The following DSCAM variants were observed in gnomAD, a reference collection of about 807,000 sequenced individuals.
DSCAM encodes the protein cell adhesion molecule DSCAM.
A neutral mutation model predicts 217.7 loss-of-function variants in DSCAM; 47 were observed. The observed-to-expected ratio is 0.22, with a 90% CI of 0.17 to 0.28. The LOEUF (loss-of-function observed/expected upper bound fraction) is 0.28. DSCAM is among the 10% of genes least tolerant of loss of function. The pLI, the probability that DSCAM is intolerant of heterozygous loss-of-function variation, is 1.00. For missense variants in DSCAM, 2,080 were observed against 2,618.3 expected, an observed-to-expected ratio of 0.79 and a Z score of 4.49; for synonymous variants, 1,056 against 1,015.3, an observed-to-expected ratio of 1.04 and a Z score of -0.76.
intron 3 of DSCAM, among the ~76,000 whole-genome samples, chr21:40,626,607 G>T (rs1328786613): frequency 6.6e-6 from 1 of 152,152 alleles, no homozygotes; most frequent in Admixed American, 6.5e-5. Flanking sequence ...AGTTTCACTT[G>T]GCTCCAGCCA....
In DSCAM at chr21:40,055,739, G is replaced by T. The variant is rs759685690; in HGVS notation, c.5021C>A (p.Thr1674Lys). Residue 1674 changes from threonine to lysine, a missense_variant, in exon 29 of 33, where the codon ACG (threonine) becomes AAG (lysine). Thr to Lys is a moderately conservative substitution (Grantham distance 78). Around this residue, in one of 5 missense-constraint regions of DSCAM, gnomAD observed 1,144 missense variants for 1,421.1 expected, o/e 0.81. Coordinates refer to ENST00000400454, the MANE Select transcript of DSCAM (RefSeq NM_001389.5). Reference sequence around the variant, plus strand: ...GGGCAGCTTACCAATGGTCTCCATCGTGTCTCTCTCTTCAATCAAAAGCTG... The same window carrying T: ...GGGCAGCTTACCAATGGTCTCCATCTTGTCTCTCTCTTCAATCAAAAGCTG... ...RAQLLIEERDTMETIDDRSTV... is the reference protein window; with the variant it reads ...RAQLLIEERDKMETIDDRSTV... 2 of 1,612,680 alleles carry T rather than the reference G, an allele frequency of 1.2e-6. No individual in the cohort carries two copies. The highest frequency in any genetic ancestry group is 1.7e-6 in the Non-Finnish European group (2 of 1,178,856).
At chr21:40,365,561 A>T (rs1156353330) in intron 4 of DSCAM, among the ~76,000 whole-genome samples, 1 of 152,130 alleles carries the variant, frequency 6.6e-6, no homozygotes, top group East Asian at 1.9e-4. Context: ...TTATATATAC[A>T]TCTATCCTAT....
intron 30 of DSCAM, among the ~76,000 whole-genome samples, chr21:40,050,490 T>C (rs2146494429): frequency 6.6e-6 from 1 of 151,510 alleles, no homozygotes; most frequent in East Asian, 1.9e-4. Flanking sequence ...CTTGAATCTT[T>C]TTTTTTTTTG....
intron 1 of DSCAM, among the ~76,000 whole-genome samples, chr21:40,730,012 G>T (rs921871834): frequency 6.6e-6 from 1 of 152,160 alleles, no homozygotes; most frequent in African/African-American, 2.4e-5. Flanking sequence ...GACTGGAGTT[G>T]AACATTCTCA....
chr21:40,549,587 T>C (rs1033191271), intron 3 of DSCAM, among the ~76,000 whole-genome samples: 6 of 152,192 alleles, frequency 3.9e-5, no homozygotes, highest in South Asian at 2.1e-4. Context: ...TGTGTTTTAA[T>C]AGGCTGCCAA....
chr21:40,370,161 A>G (rs1601593213), intron 3 of DSCAM, among the ~76,000 whole-genome samples: 2 of 152,192 alleles, frequency 1.3e-5, no homozygotes, highest in Admixed American at 6.5e-5. Flanking sequence ...ATTGGCTGAT[A>G]AAACAAGTTG....
At chr21:40,396,258 C>T (rs912784037) in intron 3 of DSCAM, among the ~76,000 whole-genome samples, 2 of 152,130 alleles carry the variant, frequency 1.3e-5, no homozygotes, top group Non-Finnish European at 2.9e-5. Context: ...CATGCAATTG[C>T]ACAAGAAAAC....
chr21:40,826,141 A>G (rs1397132213), intron 1 of DSCAM, among the ~76,000 whole-genome samples: 1 of 152,246 alleles, frequency 6.6e-6, no homozygotes, highest in African/African-American at 2.4e-5. Flanking sequence ...TGGCAAGGAG[A>G]AACTGAACAA....
At chr21:40,676,578 T>A (rs1418618968) in intron 3 of DSCAM, among the ~76,000 whole-genome samples, 2 of 152,236 alleles carry the variant, frequency 1.3e-5, no homozygotes, top group African/African-American at 4.8e-5. Flanking sequence ...TTTTAATTTT[T>A]AAAAATTTTT....
At position 40,578,244 on chromosome 21, in the gene DSCAM, A is replaced by T. The variant is rs537218601; in HGVS notation, c.508+114566T>A. On this transcript the variant is annotated intron_variant, in intron 3 of 32. Transcript: ENST00000400454. ...CAGAGACACTCTTACACACCTTCAG[A>T]AAGGGACAAGTTCAAGGATGTTCAC... Among the ~76,000 whole-genome samples the T allele has an allele frequency of 7.8e-4, 118 of 152,248 alleles. 1 individual carries two copies. In the South Asian group the frequency reaches 0.011, roughly 14 times the overall value.
intron 3 of DSCAM, among the ~76,000 whole-genome samples, chr21:40,675,620 G>A (rs1360429511): frequency 6.6e-6 from 1 of 152,212 alleles, no homozygotes; most frequent in African/African-American, 2.4e-5. Context: ...AAATTGCTAT[G>A]AGTGTTGCCT....
At chr21:40,064,108 C>G (rs976145516) in intron 27 of DSCAM, among the ~76,000 whole-genome samples, 2 of 125,930 alleles carry the variant, frequency 1.6e-5, no homozygotes, top group South Asian at 2.5e-4. Flanking sequence ...TGATTTAACA[C>G]TTACAAAGTA....
chr21:40,207,017 A>T (rs1458117645), intron 11 of DSCAM, among the ~76,000 whole-genome samples: 2 of 152,278 alleles, frequency 1.3e-5, no homozygotes, highest in African/African-American at 4.8e-5. Flanking sequence ...CCACAAAGAT[A>T]GTGCTTAGCA....
intron 3 of DSCAM, among the ~76,000 whole-genome samples, chr21:40,464,450 T>C (rs1040350876): frequency 6.6e-6 from 1 of 152,232 alleles, no homozygotes; most frequent in African/African-American, 2.4e-5. Flanking sequence ...TTCCCAAAGC[T>C]GAGCCTCAGT....
intron 14 of DSCAM, among the ~76,000 whole-genome samples, 180 bp downstream of exon 14, chr21:40,186,951 G>A (rs967548641): frequency 1.3e-5 from 2 of 152,188 alleles, no homozygotes; most frequent in East Asian, 1.9e-4. Context: ...GCCTCAACAC[G>A]AAACTCCACT....
At chr21:40,109,416 G>A (rs764486119) in intron 20 of DSCAM, among the ~76,000 whole-genome samples, 1 of 152,226 alleles carries the variant, frequency 6.6e-6, no homozygotes, top group Non-Finnish European at 1.5e-5. Context: ...CTGATCATTA[G>A]AGAAATGCAA....
chr21:40,429,010 A>G lies in DSCAM; in HGVS notation c.509-59765T>C, dbSNP rs150158406. On this transcript the variant is annotated intron_variant, in intron 3 of 32. Coordinates refer to ENST00000400454, the MANE Select transcript of DSCAM (RefSeq NM_001389.5). ...CAGCCCCCACATGGCTACTGAGTACATACTGTATAGGAGGCTCTGAGCTTG... is the reference window on the plus strand; with the variant it reads ...CAGCCCCCACATGGCTACTGAGTACGTACTGTATAGGAGGCTCTGAGCTTG... Among the ~76,000 whole-genome samples, 124 of 151,566 alleles carry G rather than the reference A, an allele frequency of 8.2e-4. 1 individual carries two copies. The highest frequency in any genetic ancestry group is 1.2e-4 in the Non-Finnish European group (8 of 68,018).
At chr21:40,429,729 C>T (rs997661254) in intron 3 of DSCAM, among the ~76,000 whole-genome samples, 3 of 152,218 alleles carry the variant, frequency 2.0e-5, no homozygotes, top group Non-Finnish European at 4.4e-5. Flanking sequence ...CAGCACCTGG[C>T]TTACTGCCTG....
chr21:40,078,367 TA>T (rs2089399110), intron 26 of DSCAM, among the ~76,000 whole-genome samples: 1 of 152,112 alleles, frequency 6.6e-6, no homozygotes, highest in African/African-American at 2.4e-5. Flanking sequence ...AAAGCAATGT[TA>T]GCTCATAGAC....
Sources: gnomAD v4.1 joint callset for allele counts (sites outside exome capture counted in the v4.1 genomes callset) on GRCh38, gnomAD v4.1.1 for gene constraint, gnomAD v4.1.1 regional missense constraint, MANE v1.5 for transcripts, NCBI Gene and HGNC (gene_info 2026-07-23, HGNC 2026-07-21) for gene names.